Variants in HECA observed in about 807,000 individuals in gnomAD.
HECA encodes HECA ribonucleoprotein granule regulator.
In HECA, 13 loss-of-function variants were observed where a neutral mutation model predicts 37.6. The ratio of observed to expected loss-of-function variants is 0.35; its 90% CI spans 0.23 to 0.55. HECA has a LOEUF of 0.55. HECA is among the 20% of genes least tolerant of loss of function. The pLI is 0.90. For missense variants in HECA, 527 were observed against 701.9 expected (o/e 0.75, Z 2.82); for synonymous variants, 307 against 291.5 (o/e 1.05, Z -0.54).
At chr6:139,142,075 C>T (rs950041951) in intron 1 of HECA, among the ~76,000 whole-genome samples, 7 of 151,512 alleles carry the variant, frequency 4.6e-5, no homozygotes, top group Non-Finnish European at 8.8e-5. Context: ...TACAGGCACC[C>T]GCCACCACAC....
chr6:139,164,655 G>A (rs1410737485), intron 1 of HECA, among the ~76,000 whole-genome samples: 3 of 152,278 alleles, frequency 2.0e-5, no homozygotes, highest in Non-Finnish European at 4.4e-5. Context: ...GGAAATGCAA[G>A]CAAGAATGTA....
rs1775053517 is a variant in HECA, at chr6:139,176,470, G to C, written c.1468-471G>C. Reference sequence around the variant, plus strand: ...CATGAGTGAAGATGCAGGGTGCTGGGAACTCCAGAAGCCTCAGACCAGCAC... The same window carrying C: ...CATGAGTGAAGATGCAGGGTGCTGGCAACTCCAGAAGCCTCAGACCAGCAC... On this transcript the variant is annotated intron_variant, in intron 3 of 3. Transcript: ENST00000367658. The surrounding 1 kb of genome is among the most constrained non-coding windows in gnomAD (Gnocchi z 4.5). Among the ~76,000 whole-genome samples the C allele has an allele frequency of 6.6e-6, 1 of 152,168 alleles. No homozygotes were observed. Among genetic ancestry groups the C allele is most frequent in the South Asian group, 2.1e-4 (1 of 4,818 alleles).
At position 139,140,629 on chromosome 6, in the gene HECA, G is replaced by T. The variant is rs548468269; in HGVS notation, c.271+4962G>T. 3.2e-4 allele frequency among the ~76,000 whole-genome samples: 48 copies of T among 152,306 alleles called. 1 individual carries two copies. The highest frequency in any genetic ancestry group is 3.4e-3 in the Middle Eastern group (1 of 294). ...CCAAGAATATATTTCATTCCATGGA[G>T]AATTGAAAACGGGAGATAAAACGGG... On this transcript the variant is annotated intron_variant, in intron 1 of 3. Coordinates refer to ENST00000367658, the MANE Select transcript of HECA (RefSeq NM_016217.3).
intron 1 of HECA, among the ~76,000 whole-genome samples, chr6:139,143,577 ACGC>A (rs1230715452): frequency 2.0e-5 from 3 of 152,150 alleles, no homozygotes; most frequent in African/African-American, 2.4e-5. Flanking sequence ...ATAGAAATAA[ACGC>A]TGCCAGGCGT....
chr6:139,155,303 C>T (rs1196445368), intron 1 of HECA, among the ~76,000 whole-genome samples: 1 of 152,188 alleles, frequency 6.6e-6, no homozygotes, highest in Non-Finnish European at 1.5e-5. Flanking sequence ...AGGCCACTTA[C>T]ACATGAAAGG....
chr6:139,164,247 C>T (rs1185722762), intron 1 of HECA, among the ~76,000 whole-genome samples: 1 of 152,170 alleles, frequency 6.6e-6, no homozygotes, highest in African/African-American at 2.4e-5. Flanking sequence ...GCCTGGGAGT[C>T]TGCCTTTAGC....
At chr6:139,161,920 TCA>T (rs1774809624) in intron 1 of HECA, among the ~76,000 whole-genome samples, 1 of 152,248 alleles carries the variant, frequency 6.6e-6, no homozygotes, top group African/African-American at 2.4e-5. Context: ...GTGAATTTAC[TCA>T]GTTTCAAACC....
intron 1 of HECA, among the ~76,000 whole-genome samples, chr6:139,158,372 G>A (rs1205638846): frequency 6.6e-6 from 1 of 151,922 alleles, no homozygotes; most frequent in Non-Finnish European, 1.5e-5. Context: ...GTGTGGTGGC[G>A]GGTGCCTGTA....
chr6:139,136,266 T>C (rs1275787507), intron 1 of HECA, among the ~76,000 whole-genome samples: 5 of 48,746 alleles, frequency 1.0e-4, no homozygotes, highest in Admixed American at 8.8e-4. Context: ...CAGCCCGGAG[T>C]TAAAAAAAAA....
chr6:139,145,345 CAA>C (rs2114440915), intron 1 of HECA, among the ~76,000 whole-genome samples: 1 of 152,206 alleles, frequency 6.6e-6, no homozygotes, highest in East Asian at 1.9e-4. Flanking sequence ...ATTTTTCAGA[CAA>C]ATTACTTTTG....
At chr6:139,173,175 G>A (rs937729069) in intron 2 of HECA, among the ~76,000 whole-genome samples, 3 of 152,210 alleles carry the variant, frequency 2.0e-5, no homozygotes, top group African/African-American at 4.8e-5. Flanking sequence ...GTAGAGCAGA[G>A]GTGGGGAGTA....
rs1305504628 is a variant in HECA at position 139,180,476 on chromosome 6, G to C, written c.*3371G>C. The C allele has an allele frequency of 1.3e-5, 2 of 152,632 alleles. No individual in the cohort carries two copies. The highest frequency in any genetic ancestry group is 2.9e-5 in the Non-Finnish European group (2 of 68,042). The allele number at this position is 152,632 out of a possible 1,614,324, so 9.5% of individuals were successfully genotyped here. The stretch of plus-strand genomic sequence containing the variant: ...TTGGAGGTTGGGAAGGAAGTGAGGA[G>C]AAAGTGTTCTTGTTTAGTGTTTTAT... On this transcript the variant is annotated 3_prime_UTR_variant, in exon 4 of 4. Coordinates refer to ENST00000367658, the MANE Select transcript of HECA (RefSeq NM_016217.3).
At chr6:139,159,564 C>T (rs1451543998) in intron 1 of HECA, among the ~76,000 whole-genome samples, 1 of 152,064 alleles carries the variant, frequency 6.6e-6, no homozygotes, top group Non-Finnish European at 1.5e-5. Context: ...CAGAGAAGGC[C>T]TGGACTGAAT....
Position 139,167,343 on chromosome 6 carries a change from C to A in HECA, c.1312+19C>A. Reference sequence around the variant, plus strand: ...CTTCAAGGTATAGGTGTTAATTCACCTTGCCTGCTTTCTGTTTGTTAAAAA... The same window carrying A: ...CTTCAAGGTATAGGTGTTAATTCACATTGCCTGCTTTCTGTTTGTTAAAAA... On this transcript the variant is annotated intron_variant, in intron 2 of 3. Transcript: ENST00000367658. 1 of 1,514,706 alleles carries A rather than the reference C, an allele frequency of 6.6e-7. No homozygotes were observed. Among genetic ancestry groups the A allele is most frequent in the Non-Finnish European group, 9.0e-7 (1 of 1,110,826 alleles). 93.8% of individuals were successfully genotyped at this position (1,514,706 alleles called of 1,614,324 possible).
chr6:139,174,240 G>T (rs1775020165), intron 2 of HECA, 145 bp from the exon 3 acceptor site: 1 of 854,980 alleles, frequency 1.2e-6, no homozygotes, highest in Non-Finnish European at 1.7e-6. Flanking sequence ...GACAGCTTGT[G>T]TACTAAATAT....
Position 139,166,422 on chromosome 6 carries a change from G to A in HECA, c.410G>A (p.Trp137Ter). Reference protein sequence around the residue: ...TWMHLQCFYEWESSILVQFNC... With the variant: ...TWMHLQCFYE ...ATGCACCTGCAGTGCTTCTACGAGT[G>A]GGAGAGCAGCATCCTCGTCCAGTTC... Residue 137 changes from tryptophan (W) to a stop codon, truncating the protein, a stop_gained, in exon 2 of 4, where the codon TGG becomes TAG. Transcript: ENST00000367658. LOFTEE classifies it high-confidence loss of function. The A allele has an allele frequency of 6.2e-7, 1 of 1,614,236 alleles. No individual in the cohort carries two copies. The highest frequency in any genetic ancestry group is 8.5e-7 in the Non-Finnish European group (1 of 1,180,042).
chr6:139,150,766 T>C (rs1384719573), intron 1 of HECA, among the ~76,000 whole-genome samples: 1 of 152,178 alleles, frequency 6.6e-6, no homozygotes, highest in African/African-American at 2.4e-5. Context: ...TAAAATTATA[T>C]CTGTGTTCCA....
In HECA at chr6:139,169,077, G is replaced by A. The variant is rs566710142; in HGVS notation, c.1312+1753G>A. Among the ~76,000 whole-genome samples the A allele has an allele frequency of 3.3e-5, 5 of 152,172 alleles. No individual in the cohort carries two copies. In the South Asian group the frequency reaches 6.2e-4, roughly 19 times the overall value. ...GTTTCCTCTATTTGTCGTGCTTTCT[G>A]TACTCTCTTGGCCCTTTGGCTCTAT... On this transcript the variant is annotated intron_variant, in intron 2 of 3. Transcript: ENST00000367658.
chr6:139,148,593 A>T (rs908098371), intron 1 of HECA, among the ~76,000 whole-genome samples: 1 of 152,230 alleles, frequency 6.6e-6, no homozygotes, highest in East Asian at 1.9e-4. Context: ...GTGAAACCCC[A>T]TGTCACTACT....
Sources: gnomAD v4.1 joint callset for allele counts (sites outside exome capture counted in the v4.1 genomes callset) on GRCh38, gnomAD v4.1.1 for gene constraint, Gnocchi (gnomAD v3.1) non-coding constraint, MANE v1.5 for transcripts, NCBI Gene and HGNC (gene_info 2026-07-23, HGNC 2026-07-21) for gene names.